Variants in DLG2 observed in about 807,000 individuals in gnomAD.
DLG2 encodes the protein disks large homolog 2.
Under a neutral mutation model 132.5 loss-of-function variants are expected in DLG2, and 45 were observed. The ratio of observed to expected loss-of-function variants is 0.34; its 90% CI spans 0.27 to 0.44. The LOEUF (loss-of-function observed/expected upper bound fraction) is 0.44. Ranked by LOEUF, DLG2 falls within the 20% of genes least tolerant of loss-of-function variation. The probability of loss-of-function intolerance (pLI) is 1.00; values close to 1 mark genes in which losing one functional copy is unlikely to be tolerated. For missense variants in DLG2, 1,045 were observed against 1,196.9 expected (o/e 0.87, Z 1.87); for synonymous variants, 424 against 419.6 (o/e 1.01, Z -0.13).
At chr11:84,317,210 C>A in intron 7 of DLG2, 5 of 1,534,452 alleles carry the variant, frequency 3.3e-6, no homozygotes, top group Non-Finnish European at 4.4e-6. Context: ...CCCTCACACC[C>A]CTTTCTTCCA....
At chr11:83,505,026 G>A (rs1488584601) in intron 21 of DLG2, among the ~76,000 whole-genome samples, 1 of 152,220 alleles carries the variant, frequency 6.6e-6, no homozygotes, top group African/African-American at 2.4e-5. Context: ...GCAATGCTGT[G>A]TGGGGTGTGT....
At chr11:83,864,478 T>C (rs1356279) in intron 16 of DLG2, among the ~76,000 whole-genome samples, 108,838 of 152,042 alleles carry the variant, frequency 0.72, 39,271 homozygotes, top group East Asian at 0.9. Context: ...TAAATGGTGC[T>C]TGTCCCCTGC....
At chr11:84,313,669 GAAAGAAAGAA>G (rs1405023393) in intron 7 of DLG2, among the ~76,000 whole-genome samples, 1 of 150,994 alleles carries the variant, frequency 6.6e-6, no homozygotes, top group African/African-American at 2.4e-5. Context: ...AAGAAAGAAA[GAAAGAAAGAA>G]AGAAAGAAAA....
rs2099575721 is a variant in DLG2 at position 84,601,119 on chromosome 11, C to G, written c.358-66388G>C. The stretch of plus-strand genomic sequence containing the variant: ...TTATTTTTATGTAGAAGATTGTACA[C>G]AGGTAACCCGCATATATTATCAAGC... On this transcript the variant is annotated intron_variant, in intron 6 of 27. Coordinates refer to ENST00000376104, the MANE Select transcript of DLG2 (RefSeq NM_001142699.3). 2.6e-5 allele frequency among the ~76,000 whole-genome samples: 4 copies of G among 152,086 alleles called. 1 individual carries two copies. In the South Asian group the frequency reaches 8.3e-4, roughly 31 times the overall value.
chr11:84,448,825 C>T (rs1436031873), intron 7 of DLG2, among the ~76,000 whole-genome samples: 1 of 151,976 alleles, frequency 6.6e-6, no homozygotes, highest in Non-Finnish European at 1.5e-5. Flanking sequence ...TTTTCGTATC[C>T]TCGGAGACCT....
intron 14 of DLG2, among the ~76,000 whole-genome samples, chr11:83,945,469 T>C (rs1307925466): frequency 1.3e-5 from 2 of 152,186 alleles, no homozygotes; most frequent in Admixed American, 6.5e-5. Context: ...CAGGTTTTCG[T>C]TCCTCAAAAA....
At chr11:83,657,754 A>T (rs939780443) in intron 18 of DLG2, among the ~76,000 whole-genome samples, 7 of 152,004 alleles carry the variant, frequency 4.6e-5, no homozygotes, top group East Asian at 1.9e-4. Context: ...ATTAGCCAGG[A>T]TGGTCTCAAT....
chr11:84,063,527 A>T (rs1425114418), intron 10 of DLG2, among the ~76,000 whole-genome samples: 4 of 52,454 alleles, frequency 7.6e-5, no homozygotes, highest in African/African-American at 1.5e-4. Context: ...CTACTCTCTC[A>T]AGGTACTAAA....
intron 11 of DLG2, among the ~76,000 whole-genome samples, chr11:84,033,623 A>G (rs1185771220): frequency 1.3e-5 from 2 of 152,218 alleles, no homozygotes; most frequent in Non-Finnish European, 2.9e-5. Context: ...ACTGACTCCA[A>G]TTTTGAAGGA....
intron 3 of DLG2, among the ~76,000 whole-genome samples, chr11:85,595,768 T>C (rs900181210): frequency 6.6e-6 from 1 of 152,248 alleles, no homozygotes; most frequent in Non-Finnish European, 1.5e-5. Context: ...TTGAATTTTA[T>C]ATGATTTTAC....
At chr11:85,272,400 A>G (rs926167967) in intron 4 of DLG2, among the ~76,000 whole-genome samples, 4 of 152,206 alleles carry the variant, frequency 2.6e-5, no homozygotes, top group Non-Finnish European at 5.9e-5. Flanking sequence ...GACTCTTGCA[A>G]TTGTGGAGAC....
At chr11:84,272,360 G>A (rs2097735814) in intron 7 of DLG2, 3 of 395,706 alleles carry the variant, frequency 7.6e-6, no homozygotes, top group African/African-American at 2.1e-5. Flanking sequence ...TTCTTGAGAA[G>A]GTACCAAATA....
At chr11:84,934,155 T>C (rs1310584285) in intron 6 of DLG2, among the ~76,000 whole-genome samples, 1 of 152,216 alleles carries the variant, frequency 6.6e-6, no homozygotes, top group African/African-American at 2.4e-5. Context: ...TTTATTTCTG[T>C]TTATGCGATA....
chr11:84,347,255 T>G (rs1161691008), intron 7 of DLG2, among the ~76,000 whole-genome samples: 1 of 152,178 alleles, frequency 6.6e-6, no homozygotes, highest in Non-Finnish European at 1.5e-5. Context: ...ACTTCTTAGA[T>G]GTGTGACCAC....
intron 6 of DLG2, among the ~76,000 whole-genome samples, chr11:84,736,024 T>G (rs547727816): frequency 2.0e-5 from 3 of 152,126 alleles, no homozygotes; most frequent in Admixed American, 1.3e-4. Context: ...TTCTAGAGGT[T>G]TTGTAGTTTT....
chr11:85,494,561 C>T (rs1200696976), intron 3 of DLG2, among the ~76,000 whole-genome samples: 1 of 150,778 alleles, frequency 6.6e-6, no homozygotes, highest in African/African-American at 2.4e-5. Context: ...AAAAGTAAGA[C>T]AGTCTCCTGG....
chr11:83,818,226 C>T (rs2049648616), intron 17 of DLG2, among the ~76,000 whole-genome samples: 1 of 152,154 alleles, frequency 6.6e-6, no homozygotes, highest in South Asian at 2.1e-4. Context: ...CATCTGGTGT[C>T]TTGTTGGTCT....
chr11:84,556,312 G>A (rs75601012), intron 6 of DLG2, among the ~76,000 whole-genome samples: 3,460 of 152,160 alleles, frequency 0.023, 152 homozygotes, highest in African/African-American at 0.079. Flanking sequence ...CATCAAAAAT[G>A]CACCCCCAGT....
chr11:84,264,326 G>A (rs2097584724), intron 7 of DLG2, among the ~76,000 whole-genome samples: 1 of 152,138 alleles, frequency 6.6e-6, no homozygotes, highest in Admixed American at 6.5e-5. Flanking sequence ...CAGTGGCAGT[G>A]TCTATGTTAC....
Sources: allele counts gnomAD v4.1 joint callset (sites outside exome capture counted in the v4.1 genomes callset), GRCh38; gene constraint gnomAD v4.1.1; transcripts MANE v1.5; gene names NCBI Gene and HGNC (gene_info 2026-07-23, HGNC 2026-07-21).